Variants in XKR4 observed in about 807,000 individuals in gnomAD.
XKR4 encodes the protein XK-related protein 4.
A neutral mutation model predicts 53.9 loss-of-function variants in XKR4; 12 were observed. The ratio of observed to expected loss-of-function variants is 0.22; its 90% confidence interval spans 0.14 to 0.36. XKR4 has a LOEUF of 0.36. Among genes scored for constraint, XKR4 ranks in the 10% least tolerant of loss-of-function variants. XKR4 has a pLI of 1.00. For synonymous variants in XKR4, 354 were observed against 362.4 expected (o/e 0.98, Z 0.26); for missense variants, 799 against 859.5 (o/e 0.93, Z 0.88).
At chr8:55,180,780 G>C (rs112963402) in intron 1 of XKR4, among the ~76,000 whole-genome samples, 1 of 152,086 alleles carries the variant, frequency 6.6e-6, no homozygotes, top group Non-Finnish European at 1.5e-5. Context: ...TGTTCCACCC[G>C]CCTTGGCCTC....
intron 1 of XKR4, among the ~76,000 whole-genome samples, chr8:55,267,233 A>T (rs77210801): frequency 1.3e-5 from 2 of 152,136 alleles, no homozygotes; most frequent in Non-Finnish European, 2.9e-5. Context: ...AGAAAAAAAA[A>T]CCTATGGGTT....
chr8:55,357,909 G>A (rs758388305), intron 2 of XKR4, 32 bp downstream of exon 2: 1 of 1,590,800 alleles, frequency 6.3e-7, no homozygotes, highest in South Asian at 1.1e-5. Flanking sequence ...TCTGAATTTG[G>A]GGAAAGATTG....
At chr8:55,354,933 C>A (rs1161631833) in intron 1 of XKR4, among the ~76,000 whole-genome samples, 1 of 142,702 alleles carries the variant, frequency 7.0e-6, no homozygotes, top group East Asian at 2.0e-4. Flanking sequence ...GATGGAGTTT[C>A]ATTCTTGTTG....
At chr8:55,198,320 AC>A (rs1817531427) in intron 1 of XKR4, among the ~76,000 whole-genome samples, 1 of 152,166 alleles carries the variant, frequency 6.6e-6, no homozygotes, top group Admixed American at 6.5e-5. Flanking sequence ...CAAATCTAAA[AC>A]ATACCTTCCT....
intron 1 of XKR4, among the ~76,000 whole-genome samples, chr8:55,322,848 A>G (rs528727445): frequency 1.3e-5 from 2 of 152,304 alleles, no homozygotes; most frequent in South Asian, 4.1e-4. Flanking sequence ...ATCTTTCAAA[A>G]ATGGCAACTC....
intron 1 of XKR4, among the ~76,000 whole-genome samples, chr8:55,289,381 G>A (rs1394666046): frequency 6.6e-6 from 1 of 151,550 alleles, no homozygotes; most frequent in Non-Finnish European, 1.5e-5. Flanking sequence ...TGGTCGTGGT[G>A]GTGGGTTCCT....
chr8:55,500,957 G>A (rs1412669097), intron 2 of XKR4, among the ~76,000 whole-genome samples: 1 of 152,124 alleles, frequency 6.6e-6, no homozygotes, highest in Non-Finnish European at 1.5e-5. Context: ...GATATGTGCT[G>A]GCAAGCTGAT....
At chr8:55,127,946 T>A (rs1264457923) in intron 1 of XKR4, among the ~76,000 whole-genome samples, 1 of 152,166 alleles carries the variant, frequency 6.6e-6, no homozygotes, top group Non-Finnish European at 1.5e-5. Context: ...TTCCATGGTG[T>A]ATATGTGCCA....
chr8:55,268,470 C>G (rs1818642483), intron 1 of XKR4, among the ~76,000 whole-genome samples: 1 of 152,108 alleles, frequency 6.6e-6, no homozygotes, highest in East Asian at 1.9e-4. Flanking sequence ...GCTAGCCAGT[C>G]TCGTGTATTT....
At chr8:55,188,546 G>A (rs921348681) in intron 1 of XKR4, among the ~76,000 whole-genome samples, 1 of 152,152 alleles carries the variant, frequency 6.6e-6, no homozygotes, top group African/African-American at 2.4e-5. Flanking sequence ...ATCCTCTTAA[G>A]TTTAAAGACA....
At chr8:55,181,397 A>G (rs996901851) in intron 1 of XKR4, among the ~76,000 whole-genome samples, 1 of 149,844 alleles carries the variant, frequency 6.7e-6, no homozygotes, top group African/African-American at 2.5e-5. Flanking sequence ...TACATTTTAC[A>G]CTCCTCCCTT....
intron 2 of XKR4, among the ~76,000 whole-genome samples, chr8:55,455,350 T>A (rs1026449887): frequency 2.6e-5 from 4 of 151,954 alleles, no homozygotes; most frequent in Admixed American, 1.3e-4. Context: ...TTATAGAGCT[T>A]CAGGTAAAGG....
intron 1 of XKR4, among the ~76,000 whole-genome samples, chr8:55,298,693 A>G (rs749390414): frequency 2.4e-4 from 37 of 152,182 alleles, no homozygotes; most frequent in Admixed American, 3.3e-4. Flanking sequence ...CAAACGTCCA[A>G]CCTATATCAT....
chr8:55,246,609 T>C (rs1004802252), intron 1 of XKR4, among the ~76,000 whole-genome samples: 1 of 152,154 alleles, frequency 6.6e-6, no homozygotes, highest in African/African-American at 2.4e-5. Context: ...TTTTCCTTTG[T>C]TTTTCAATCT....
intron 1 of XKR4, among the ~76,000 whole-genome samples, chr8:55,240,350 G>T (rs117860314): frequency 6.6e-6 from 1 of 152,106 alleles, no homozygotes; most frequent in African/African-American, 2.4e-5. Flanking sequence ...CAACCTATAT[G>T]TTCTAAGATA....
intron 1 of XKR4, among the ~76,000 whole-genome samples, chr8:55,189,719 G>A (rs1452298557): frequency 1.3e-5 from 2 of 152,128 alleles, no homozygotes; most frequent in East Asian, 3.9e-4. Flanking sequence ...CCAAAACATC[G>A]TTATGCTGCA....
At chr8:55,229,095 C>G (rs1471365120) in intron 1 of XKR4, among the ~76,000 whole-genome samples, 3 of 152,214 alleles carry the variant, frequency 2.0e-5, no homozygotes, top group Non-Finnish European at 4.4e-5. Flanking sequence ...GTCATATGTC[C>G]GTGACCAGGT....
rs997457681 is a variant in XKR4, at chr8:55,395,682, C to T, written c.1006+37805C>T. Among the ~76,000 whole-genome samples, 8 of 152,032 alleles carry T rather than the reference C, an allele frequency of 5.3e-5. No individual in the cohort carries two copies. The South Asian group carries it at 6.3e-4, about 12-fold the overall frequency. On this transcript the variant is annotated intron_variant, in intron 2 of 2. Transcript: ENST00000327381. ...GGGCTGGAAAAGCAAGTGATGAGGA[C>T]GGAGAACAAGTTGGGAGGCTTTTAG...
chr8:55,394,577 C>G (rs1000897809), intron 2 of XKR4, among the ~76,000 whole-genome samples: 5 of 152,292 alleles, frequency 3.3e-5, no homozygotes, highest in African/African-American at 9.6e-5. Flanking sequence ...ATCTTATCAA[C>G]AGTTTATATA....
Sources: gnomAD v4.1 joint callset for allele counts (sites outside exome capture counted in the v4.1 genomes callset) on GRCh38, gnomAD v4.1.1 for gene constraint, MANE v1.5 for transcripts, NCBI Gene and HGNC (gene_info 2026-07-23, HGNC 2026-07-21) for gene names.